Variants in PTPRK observed in about 807,000 individuals in gnomAD.
The protein encoded by PTPRK is protein tyrosine phosphatase receptor type K, also known as receptor-type tyrosine-protein phosphatase kappa.
Under a neutral mutation model 178.0 loss-of-function variants are expected in PTPRK, and 75 were observed. The observed-to-expected ratio is 0.42, with a 90% CI of 0.35 to 0.51. The LOEUF is 0.51. Among genes scored for constraint, PTPRK ranks in the 20% least tolerant of loss-of-function variants. The probability of loss-of-function intolerance (pLI) is 0.02; values close to 1 mark genes in which losing one functional copy is unlikely to be tolerated. For synonymous variants in PTPRK, 637 were observed against 620.6 expected, an observed-to-expected ratio of 1.03 and a Z score of -0.39; for missense variants, 1,441 against 1,797.8, an observed-to-expected ratio of 0.80 and a Z score of 3.59.
chr6:128,437,263 A>T (rs939959684), intron 1 of PTPRK, among the ~76,000 whole-genome samples: 3 of 152,188 alleles, frequency 2.0e-5, no homozygotes, highest in African/African-American at 7.2e-5. Flanking sequence ...TAAGCGTAAT[A>T]TAAGAAAGTA....
chr6:128,366,388 T>A (rs986557898), intron 2 of PTPRK, among the ~76,000 whole-genome samples: 16 of 152,168 alleles, frequency 1.1e-4, no homozygotes, highest in Non-Finnish European at 2.1e-4. Context: ...TCTGTTGTTG[T>A]ATGTTAAAGT....
Position 128,067,725 on chromosome 6 carries a change from A to G in PTPRK, c.1951T>C (p.Cys651Arg), listed in dbSNP as rs779600131. 1.2e-6 allele frequency: 2 copies of G among 1,613,632 alleles called. No homozygotes were observed. The highest frequency in any genetic ancestry group is 1.7e-6 in the Non-Finnish European group (2 of 1,179,654). Reference protein sequence around the residue: ...RTKREAGAMECYQVPVTYQNA... With the variant: ...RTKREAGAMERYQVPVTYQNA... ...TGGTATGTGACAGGAACCTGGTAGC[A>G]TTCCATGGCTCCGGCTTCTCTCTTG... Residue 651 changes from cysteine (C) to arginine (R), a missense_variant, in exon 12 of 30, where the codon TGC becomes CGC. By Grantham distance (180) the Cys-to-Arg change is radical. This residue lies in a region of PTPRK where 945 missense variants were observed against 1,080.6 expected (regional missense o/e 0.87). Coordinates refer to ENST00000368226, the MANE Select transcript of PTPRK (RefSeq NM_002844.4).
At chr6:128,271,400 T>C (rs1054025845) in intron 3 of PTPRK, among the ~76,000 whole-genome samples, 1 of 152,148 alleles carries the variant, frequency 6.6e-6, no homozygotes, top group Non-Finnish European at 1.5e-5. Flanking sequence ...TAAATCAAGA[T>C]GAAAGCACTG....
At chr6:128,251,371 C>T (rs1001591859) in intron 3 of PTPRK, among the ~76,000 whole-genome samples, 1 of 152,256 alleles carries the variant, frequency 6.6e-6, no homozygotes, top group Non-Finnish European at 1.5e-5. Context: ...AAGCCCAAAT[C>T]GATTCTTCAT....
At chr6:128,129,043 C>T (rs773130932) in intron 7 of PTPRK, among the ~76,000 whole-genome samples, 1 of 152,216 alleles carries the variant, frequency 6.6e-6, no homozygotes, top group African/African-American at 2.4e-5. Flanking sequence ...ACTAATTGCA[C>T]ATACTGCTTA....
intron 2 of PTPRK, among the ~76,000 whole-genome samples, chr6:128,372,022 G>A (rs1465754901): frequency 2.6e-5 from 4 of 152,092 alleles, no homozygotes; most frequent in East Asian, 1.9e-4. Context: ...TAGGACCTCC[G>A]AGGCACACAA....
chr6:128,296,562 C>G (rs1315178979), intron 3 of PTPRK, among the ~76,000 whole-genome samples: 4 of 152,050 alleles, frequency 2.6e-5, no homozygotes, highest in African/African-American at 7.2e-5. Context: ...AGAGTGGGGG[C>G]CAATATTCAA....
chr6:128,192,696 G>T (rs1185895204), intron 6 of PTPRK, among the ~76,000 whole-genome samples: 1 of 151,796 alleles, frequency 6.6e-6, no homozygotes, highest in Non-Finnish European at 1.5e-5. Context: ...GGCAGCTGTG[G>T]TCCCAGCTAC....
chr6:128,106,877 TTTAA>T lies in PTPRK; in HGVS notation c.1163-16889_1163-16886del, dbSNP rs1488369075. 5.0e-4 allele frequency among the ~76,000 whole-genome samples: 76 copies of T among 152,286 alleles called. 1 individual carries two copies. Among genetic ancestry groups the T allele is most frequent in the African/African-American group, 1.8e-3 (76 of 41,596 alleles). On this transcript the variant is annotated intron_variant, in intron 7 of 29. Coordinates refer to ENST00000368226, the MANE Select transcript of PTPRK (RefSeq NM_002844.4). Reference sequence around the variant, plus strand: ...AGCTATTTATAACATTCCAATATACTTTAATTCTTTCTTGGAATATTTTAGTATT... The same window carrying T: ...AGCTATTTATAACATTCCAATATACTTTCTTTCTTGGAATATTTTAGTATT...
At chr6:128,170,150 T>C (rs575326836) in intron 7 of PTPRK, among the ~76,000 whole-genome samples, 40 of 152,084 alleles carry the variant, frequency 2.6e-4, no homozygotes, top group African/African-American at 9.6e-4. Context: ...AATAAGAAAC[T>C]TCATGAAACA....
chr6:127,985,710 C>T lies in PTPRK; in HGVS notation c.3251+11G>A, dbSNP rs1775893539. On this transcript the variant is annotated intron_variant, in intron 22 of 29. Transcript: ENST00000368226. ...TTGCATACAGTCAATACCATTTGGA[C>T]CACCACTTACCTGCAATGTACAACG... 2 of 1,604,760 alleles carry T rather than the reference C, an allele frequency of 1.2e-6. No individual in the cohort carries two copies. Among genetic ancestry groups the T allele is most frequent in the Non-Finnish European group, 1.7e-6 (2 of 1,173,100 alleles).
chr6:128,300,247 A>G (rs1825338534), intron 3 of PTPRK, among the ~76,000 whole-genome samples: 1 of 152,286 alleles, frequency 6.6e-6, no homozygotes, highest in South Asian at 2.1e-4. Flanking sequence ...GATATGGAGA[A>G]GTACGAACAC....
At chr6:128,138,641 C>G (rs945895387) in intron 7 of PTPRK, among the ~76,000 whole-genome samples, 1 of 152,068 alleles carries the variant, frequency 6.6e-6, no homozygotes, top group Admixed American at 6.6e-5. Flanking sequence ...ATCACCCTCA[C>G]TTGTCTTTAT....
chr6:128,169,447 A>T (rs1158503417), intron 7 of PTPRK, among the ~76,000 whole-genome samples: 2 of 152,036 alleles, frequency 1.3e-5, no homozygotes, highest in Non-Finnish European at 2.9e-5. Flanking sequence ...CTATAGATCA[A>T]TCTCTTTATT....
At chr6:128,193,143 C>A (rs1240259926) in intron 6 of PTPRK, among the ~76,000 whole-genome samples, 1 of 151,802 alleles carries the variant, frequency 6.6e-6, no homozygotes, top group African/African-American at 2.4e-5. Context: ...TGTAGCAAGC[C>A]AAATGCCCTG....
intron 1 of PTPRK, among the ~76,000 whole-genome samples, chr6:128,485,362 A>G (rs1305978915): frequency 6.6e-6 from 1 of 152,224 alleles, no homozygotes; most frequent in Non-Finnish European, 1.5e-5. Flanking sequence ...AACAGAGTGA[A>G]TGGAAAAATC....
At chr6:128,432,482 A>T (rs750087828) in intron 1 of PTPRK, among the ~76,000 whole-genome samples, 7 of 152,242 alleles carry the variant, frequency 4.6e-5, no homozygotes, top group Non-Finnish European at 1.0e-4. Flanking sequence ...ATAGTTTAAC[A>T]TGCTTTATAT....
At chr6:128,122,145 C>G (rs1023962730) in intron 7 of PTPRK, among the ~76,000 whole-genome samples, 1 of 151,998 alleles carries the variant, frequency 6.6e-6, no homozygotes, top group Non-Finnish European at 1.5e-5. Context: ...AGAAATGTTA[C>G]GTATGCTTGT....
chr6:128,243,101 A>G (rs1814760893), intron 3 of PTPRK, among the ~76,000 whole-genome samples: 1 of 152,168 alleles, frequency 6.6e-6, no homozygotes, highest in Non-Finnish European at 1.5e-5. Context: ...AAATACAATG[A>G]AAAAGATTGG....
Sources: gnomAD v4.1 joint callset for allele counts (sites outside exome capture counted in the v4.1 genomes callset) on GRCh38, gnomAD v4.1.1 for gene constraint, gnomAD v4.1.1 regional missense constraint, MANE v1.5 for transcripts, NCBI Gene and HGNC (gene_info 2026-07-23, HGNC 2026-07-21) for gene names.